Variants in ZFYVE1 observed in about 807,000 individuals in gnomAD.
ZFYVE1 encodes zinc finger FYVE-type containing 1.
ZFYVE1 carries 30 observed loss-of-function variants against 74.4 expected under a neutral mutation model. The observed-to-expected ratio is 0.40, with a 90% confidence interval of 0.30 to 0.55. The LOEUF is 0.55. ZFYVE1 is among the 20% of genes least tolerant of loss of function. The probability of loss-of-function intolerance (pLI) is 0.42; values close to 1 mark genes in which losing one functional copy is unlikely to be tolerated. For synonymous variants in ZFYVE1, 335 were observed against 385.1 expected (o/e 0.87, Z 1.52); for missense variants, 703 against 1,011.6 (o/e 0.69, Z 4.14).
At chr14:72,998,723 C>G (rs1893805841) in intron 2 of ZFYVE1, among the ~76,000 whole-genome samples, 1 of 151,882 alleles carries the variant, frequency 6.6e-6, no homozygotes, top group Non-Finnish European at 1.5e-5. Flanking sequence ...TGGTGGTTCA[C>G]GCATGTAACA....
intron 2 of ZFYVE1, among the ~76,000 whole-genome samples, chr14:73,016,857 A>G (rs548875442): frequency 6.6e-6 from 1 of 152,310 alleles, no homozygotes; most frequent in Admixed American, 6.5e-5. Context: ...CTGAGCAACA[A>G]GAGCAAAACT....
intron 2 of ZFYVE1, among the ~76,000 whole-genome samples, chr14:73,009,586 T>C (rs1894047379): frequency 1.3e-5 from 2 of 152,056 alleles, no homozygotes; most frequent in Non-Finnish European, 2.9e-5. Flanking sequence ...GAAACCCCCA[T>C]CTCGACTAAA....
chr14:72,989,781 G>A (rs999907020), intron 4 of ZFYVE1, among the ~76,000 whole-genome samples: 1 of 151,128 alleles, frequency 6.6e-6, no homozygotes, highest in African/African-American at 2.4e-5. Flanking sequence ...CTGGGCAACA[G>A]AGCAAGACCC....
intron 10 of ZFYVE1, 45 bp from the exon 11 acceptor site, chr14:72,974,238 C>T: frequency 6.3e-7 from 1 of 1,582,836 alleles, no homozygotes; most frequent in Non-Finnish European, 8.7e-7. Context: ...TAAGTCCTCT[C>T]CCAAATGGAA....
At chr14:72,984,004 G>C (rs1893412455) in intron 4 of ZFYVE1, among the ~76,000 whole-genome samples, 1 of 152,156 alleles carries the variant, frequency 6.6e-6, no homozygotes, top group South Asian at 2.1e-4. Context: ...TATCAATGTT[G>C]AGTCAGGTCA....
At chr14:72,976,406 A>T (rs1258951068) in intron 8 of ZFYVE1, among the ~76,000 whole-genome samples, 2 of 152,200 alleles carry the variant, frequency 1.3e-5, no homozygotes, top group African/African-American at 4.8e-5. Flanking sequence ...ATAAACCATT[A>T]TGCCAAGGAG....
chr14:72,974,226 T>A (rs1272051067), intron 10 of ZFYVE1, 33 bp from the exon 11 acceptor site: 2 of 1,592,874 alleles, frequency 1.3e-6, no homozygotes, highest in Non-Finnish European at 8.6e-7. Context: ...TGCTGTCACC[T>A]CTAAGTCCTC....
intron 2 of ZFYVE1, among the ~76,000 whole-genome samples, chr14:73,006,107 G>C (rs1214570444): frequency 6.6e-6 from 1 of 151,924 alleles, no homozygotes; most frequent in Non-Finnish European, 1.5e-5. Context: ...TTTTAGTGGA[G>C]ACGGGGTTTC....
intron 2 of ZFYVE1, among the ~76,000 whole-genome samples, chr14:73,002,040 T>A (rs935000519): frequency 6.6e-6 from 1 of 152,158 alleles, no homozygotes; most frequent in Non-Finnish European, 1.5e-5. Context: ...TTTTGTGAAA[T>A]GAACGTAGCT....
Position 72,971,021 on chromosome 14 carries a change from A to G in ZFYVE1, c.2195T>C (p.Leu732Pro). Residue 732 changes from leucine (L) to proline (P), a missense_variant, in exon 12 of 12, where the codon CTC (leucine) becomes CCC (proline). Leu to Pro is a moderately conservative substitution (Grantham distance 98). This residue lies in a region of ZFYVE1 where 492 missense variants were observed against 790.0 expected (regional missense o/e 0.62). Transcript: ENST00000556143. ...HNCRKEFSIK[L>P]SKHHCRACGQ... ...GCAGGCCCGGCAGTGGTGCTTGGAG[A>G]GCTTGATGCTGAACTCCTTCCGGCA... is the stretch of plus-strand genomic sequence containing the variant. 1 of 1,614,124 alleles carries G rather than the reference A, an allele frequency of 6.2e-7. No homozygotes were observed. The highest frequency in any genetic ancestry group is 8.5e-7 in the Non-Finnish European group (1 of 1,180,012).
Position 73,024,046 on chromosome 14 carries a change from C to A in ZFYVE1, c.463G>T (p.Asp155Tyr). Residue 155 changes from aspartate to tyrosine, a missense_variant, in exon 2 of 12, where the codon GAC becomes TAC. This residue lies in a region of ZFYVE1 where 211 missense variants were observed against 221.7 expected (regional missense o/e 0.95). Coordinates refer to ENST00000556143, the MANE Select transcript of ZFYVE1 (RefSeq NM_021260.4). ...CTTACCTGAATTTCTTCATTTTCGT[C>A]TACTAGGAGGAAACTCACAACCTTC... ...TEKVVSFLLV[D>Y]ENEEIQVTNE... is the part of the protein sequence containing the mutation. The A allele has an allele frequency of 6.2e-7, 1 of 1,613,992 alleles. No individual in the cohort carries two copies. Among genetic ancestry groups the A allele is most frequent in the Non-Finnish European group, 8.5e-7 (1 of 1,179,964 alleles).
chr14:73,018,476 C>G (rs1176082172), intron 2 of ZFYVE1, among the ~76,000 whole-genome samples: 1 of 147,930 alleles, frequency 6.8e-6, no homozygotes, highest in Non-Finnish European at 1.5e-5. Context: ...ATAAGACCTT[C>G]TCTGACCATC....
intron 3 of ZFYVE1, among the ~76,000 whole-genome samples, chr14:72,994,574 C>G (rs1276927614): frequency 6.6e-6 from 1 of 152,076 alleles, no homozygotes; most frequent in Non-Finnish European, 1.5e-5. Flanking sequence ...GCACATTACA[C>G]TTCAAGGAGG....
At chr14:72,982,818 G>T (rs1048606150) in intron 4 of ZFYVE1, among the ~76,000 whole-genome samples, 2 of 152,066 alleles carry the variant, frequency 1.3e-5, no homozygotes, top group African/African-American at 4.8e-5. Context: ...AAAAGGGCAG[G>T]TTAGGTTTTA....
At chr14:73,017,083 G>A (rs893816929) in intron 2 of ZFYVE1, among the ~76,000 whole-genome samples, 2 of 152,000 alleles carry the variant, frequency 1.3e-5, no homozygotes, top group Admixed American at 6.6e-5. Flanking sequence ...AGCCCAGGAG[G>A]TGGAAACCAG....
rs372881104 is a variant in ZFYVE1, at chr14:73,024,836, T to C, written c.-328A>G. 9.2e-6 allele frequency: 2 copies of C among 218,270 alleles called. No individual in the cohort carries two copies. The highest frequency in any genetic ancestry group is 2.1e-4 in the East Asian group (2 of 9,334). 13.5% of individuals were successfully genotyped at this position (218,270 alleles called of 1,614,324 possible). A position where few individuals can be genotyped will look rare whatever the true frequency, so the allele number is the denominator to read the frequency against. On this transcript the variant is annotated 5_prime_UTR_variant, in exon 2 of 12. Coordinates refer to ENST00000556143, the MANE Select transcript of ZFYVE1 (RefSeq NM_021260.4). ...TGAGAGAGGTCTGATGGGTTCACGG[T>C]GGTGGGTTCATCGGTTGGACATCAG...
intron 4 of ZFYVE1, among the ~76,000 whole-genome samples, chr14:72,992,205 G>C (rs1034435927): frequency 6.6e-6 from 1 of 152,144 alleles, no homozygotes; most frequent in African/African-American, 2.4e-5. Context: ...CACCACGCCT[G>C]GCTGTAAATC....
At chr14:72,971,853 G>C (rs1340974776) in intron 11 of ZFYVE1, among the ~76,000 whole-genome samples, 1 of 152,192 alleles carries the variant, frequency 6.6e-6, no homozygotes, top group African/African-American at 2.4e-5. Flanking sequence ...ATATAAAGAA[G>C]TCTGGGCTCT....
intron 2 of ZFYVE1, among the ~76,000 whole-genome samples, chr14:73,023,268 A>T (rs12891374): frequency 1.7e-5 from 2 of 115,374 alleles, no homozygotes; most frequent in East Asian, 4.4e-4. Flanking sequence ...TTTTATATAT[A>T]ATATATATTA....
Sources: gnomAD v4.1 joint callset for allele counts (sites outside exome capture counted in the v4.1 genomes callset) on GRCh38, gnomAD v4.1.1 for gene constraint, gnomAD v4.1.1 regional missense constraint, MANE v1.5 for transcripts, NCBI Gene and HGNC (gene_info 2026-07-23, HGNC 2026-07-21) for gene names.